The following KLHL4 variants were observed in gnomAD, a reference collection of about 807,000 sequenced individuals.
KLHL4 encodes kelch-like protein 4.
A neutral mutation model predicts 45.8 loss-of-function variants in KLHL4; 17 were observed. The ratio of observed to expected loss-of-function variants is 0.37; its 90% CI spans 0.25 to 0.56. KLHL4 has a LOEUF of 0.56. KLHL4 is among the 20% of genes least tolerant of loss of function. KLHL4 has a pLI of 0.79. For synonymous variants in KLHL4, 224 were observed against 189.9 expected (o/e 1.18, Z -1.47); for missense variants, 544 against 544.9 (o/e 1.00, Z 0.02).
chrX:87,584,718 A>C (rs182416393), intron 1 of KLHL4, among the ~76,000 whole-genome samples: 50 of 110,705 alleles, frequency 4.5e-4, no homozygotes, highest in African/African-American at 1.6e-3. Context: ...CACCTTCAGA[A>C]ACCAGAAAAA....
At chrX:87,579,585 A>G (rs1450503590) in intron 1 of KLHL4, among the ~76,000 whole-genome samples, 1 of 111,722 alleles carries the variant, frequency 9.0e-6, no homozygotes, top group African/African-American at 3.3e-5. Flanking sequence ...TGAAATCTGT[A>G]AGAGACAGAC....
At chrX:87,628,341 T>G (rs116064975) in intron 6 of KLHL4, among the ~76,000 whole-genome samples, 39,071 of 109,022 alleles carry the variant, frequency 0.36, 5,681 homozygotes, top group Middle Eastern at 0.46. Context: ...CAAAACTCTT[T>G]GGGGTTTTAG....
At chrX:87,656,289 G>A (rs1011012597) in intron 9 of KLHL4, among the ~76,000 whole-genome samples, 8 of 110,119 alleles carry the variant, frequency 7.3e-5, no homozygotes, top group African/African-American at 2.6e-4. Context: ...CAGACTTTGG[G>A]GTTTCTTCTT....
rs1924432828 is a variant in KLHL4, at chrX:87,668,126, T to C, written c.*1592T>C. 4.0e-6 allele frequency: 3 copies of C among 750,999 alleles called. No homozygotes were observed. Among genetic ancestry groups the C allele is most frequent in the African/African-American group, 4.6e-5 (2 of 43,277 alleles). The allele number at this position is 750,999 out of a possible 1,213,427, so 61.9% of individuals were successfully genotyped here. A position where few individuals can be genotyped will look rare whatever the true frequency, so the allele number is the denominator to read the frequency against. ...AGTTCTAGAGGTGAAGATAGAGACA[T>C]AGAGAGGCTGTGAAACACACATACA... On this transcript the variant is annotated 3_prime_UTR_variant, in exon 11 of 11. Transcript: ENST00000373119.
intron 9 of KLHL4, among the ~76,000 whole-genome samples, chrX:87,648,245 G>A (rs192965605): frequency 3.2e-4 from 36 of 111,317 alleles, no homozygotes; most frequent in Admixed American, 6.7e-4. Context: ...TTACAGTAAG[G>A]TGAGCATAAT....
intron 1 of KLHL4, among the ~76,000 whole-genome samples, chrX:87,579,887 G>C (rs1921218511): frequency 8.9e-6 from 1 of 112,001 alleles, no homozygotes; most frequent in Non-Finnish European, 1.9e-5. Flanking sequence ...GCATAGGAAA[G>C]TATGAAACTC....
intron 1 of KLHL4, among the ~76,000 whole-genome samples, chrX:87,569,501 A>G (rs1430948177): frequency 9.0e-6 from 1 of 111,663 alleles, no homozygotes; most frequent in Non-Finnish European, 1.9e-5. Context: ...TAGTTTTTCA[A>G]ACAGTAATGT....
intron 6 of KLHL4, among the ~76,000 whole-genome samples, chrX:87,628,491 G>T (rs1458491425): frequency 4.5e-5 from 5 of 112,021 alleles, no homozygotes; most frequent in African/African-American, 1.6e-4. Context: ...ATTGAAAAAT[G>T]TACTACTTTA....
chrX:87,592,130 G>T (rs1054045707), intron 1 of KLHL4, among the ~76,000 whole-genome samples: 1 of 111,148 alleles, frequency 9.0e-6, no homozygotes, highest in Non-Finnish European at 1.9e-5. Context: ...ACTATGCCTG[G>T]CTTAATTCAC....
chrX:87,606,454 A>T (rs762589547), intron 1 of KLHL4, among the ~76,000 whole-genome samples: 1 of 111,574 alleles, frequency 9.0e-6, no homozygotes, highest in African/African-American at 3.3e-5. Context: ...TATTTGAAAA[A>T]CTAAACAAAA....
intron 9 of KLHL4, among the ~76,000 whole-genome samples, chrX:87,643,900 T>C (rs1253055627): frequency 8.9e-6 from 1 of 111,748 alleles, no homozygotes; most frequent in East Asian, 2.8e-4. Flanking sequence ...GGGACATACC[T>C]TAATGTAATA....
rs143203980 is a variant in KLHL4 at position 87,521,065 on chromosome X, T to C, written c.422+2750T>C. 3.4e-4 allele frequency among the ~76,000 whole-genome samples: 38 copies of C among 111,805 alleles called. 1 individual carries two copies. The East Asian group carries it at 5.1e-3, about 15-fold the overall frequency. ...GCCAAGAACATGCCCCAGTACAAAATTGGACATTTACAGAGCTGTTTAATT... is the reference window on the plus strand; with the variant it reads ...GCCAAGAACATGCCCCAGTACAAAACTGGACATTTACAGAGCTGTTTAATT... On this transcript the variant is annotated intron_variant, in intron 1 of 10. Transcript: ENST00000373119.
At position 87,635,850 on chromosome X, in the gene KLHL4, C is replaced by A. The variant is rs1319760767; in HGVS notation, c.1925+75C>A. On this transcript the variant is annotated intron_variant, in intron 9 of 10. Coordinates refer to ENST00000373119, the MANE Select transcript of KLHL4 (RefSeq NM_019117.5). Reference sequence around the variant, plus strand: ...TTTTAGAAATAGAAAGATTTTTTTTCTTTTAAATGGAAATCAGTTTAGTTC... The same window carrying A: ...TTTTAGAAATAGAAAGATTTTTTTTATTTTAAATGGAAATCAGTTTAGTTC... The A allele has an allele frequency of 9.1e-6, 7 of 772,851 alleles. No homozygotes were observed. In the East Asian group the frequency reaches 2.1e-4, roughly 23 times the overall value. 63.7% of individuals were successfully genotyped at this position (772,851 alleles called of 1,213,427 possible). A position where few individuals can be genotyped will look rare whatever the true frequency, so the allele number is the denominator to read the frequency against.
chrX:87,548,845 G>GAAAAAAAAAAAA (rs58087826), intron 1 of KLHL4, among the ~76,000 whole-genome samples: 1 of 80,140 alleles, frequency 1.2e-5, no homozygotes, highest in African/African-American at 4.5e-5. Context: ...AAGAAAGAAT[G>GAAAAAAAAAAAA]AAAAAAAAAA....
chrX:87,540,431 G>A (rs928748070), intron 1 of KLHL4, among the ~76,000 whole-genome samples: 1 of 111,695 alleles, frequency 9.0e-6, no homozygotes, highest in African/African-American at 3.2e-5. Context: ...TGTAAGAAAT[G>A]TTGTTATATC....
At chrX:87,553,689 T>G (rs2147780434) in intron 1 of KLHL4, among the ~76,000 whole-genome samples, 1 of 111,593 alleles carries the variant, frequency 9.0e-6, no homozygotes, top group African/African-American at 3.2e-5. Context: ...TATAATGTTT[T>G]ATATAGCTTT....
intron 6 of KLHL4, among the ~76,000 whole-genome samples, chrX:87,631,794 A>G (rs753616144): frequency 1.2e-4 from 13 of 112,290 alleles, no homozygotes; most frequent in South Asian, 3.6e-4. Flanking sequence ...CACCCAAAAC[A>G]AATTTAAAAA....
chrX:87,609,689 A>G (rs2147811013), intron 1 of KLHL4, among the ~76,000 whole-genome samples: 1 of 111,017 alleles, frequency 9.0e-6, no homozygotes, highest in African/African-American at 3.3e-5. Flanking sequence ...AGATTGCAAA[A>G]ATTTTCTCCC....
At chrX:87,645,410 G>A (rs1439363366) in intron 9 of KLHL4, among the ~76,000 whole-genome samples, 2 of 111,513 alleles carry the variant, frequency 1.8e-5, no homozygotes, top group African/African-American at 3.3e-5. Context: ...GTAGATGCCA[G>A]TGTGATCGCG....
Sources: allele counts gnomAD v4.1 joint callset (sites outside exome capture counted in the v4.1 genomes callset), GRCh38; gene constraint gnomAD v4.1.1; transcripts MANE v1.5; gene names NCBI Gene and HGNC (gene_info 2026-07-23, HGNC 2026-07-21).